Variants in ITM2C observed in about 807,000 individuals in gnomAD.
ITM2C encodes the protein integral membrane protein 2C.
Under a neutral mutation model 30.0 loss-of-function variants are expected in ITM2C, and 20 were observed. The ratio of observed to expected loss-of-function variants is 0.67; its 90% confidence interval spans 0.47 to 0.97. The LOEUF (loss-of-function observed/expected upper bound fraction) is 0.97, where lower values mean the gene tolerates loss of function less well. Among genes scored for constraint, ITM2C ranks in the 50% least tolerant of loss-of-function variants. The probability of loss-of-function intolerance (pLI) is 0.00; values close to 1 mark genes in which losing one functional copy is unlikely to be tolerated. For missense variants in ITM2C, 366 were observed against 371.9 expected, an observed-to-expected ratio of 0.98 and a Z score of 0.13; for synonymous variants, 167 against 156.4, an observed-to-expected ratio of 1.07 and a Z score of -0.51.
intron 1 of ITM2C, among the ~76,000 whole-genome samples, chr2:230,866,150 A>G (rs1042878904): frequency 1.3e-5 from 2 of 151,838 alleles, no homozygotes; most frequent in Non-Finnish European, 2.9e-5. Flanking sequence ...GCCAGGTTTT[A>G]TTGTGCCTGG....
In ITM2C at chr2:230,873,464, C is replaced by T. The variant is rs371118573; in HGVS notation, c.168C>T (p.Gly56=). ...GATCCAAGAGGGGGGGCTCAGTGGGCGGCGTGTGCTACCTGTCGATGGGCA... is the reference window on the plus strand; with the variant it reads ...GATCCAAGAGGGGGGGCTCAGTGGGTGGCGTGTGCTACCTGTCGATGGGCA... ...QHRSKRGGSV[G]GVCYLSMGMV... is the part of the protein sequence containing the mutation. Residue 56 remains glycine (G), a synonymous_variant, in exon 2 of 6, where the codon GGC becomes GGT. Coordinates refer to ENST00000326427, the MANE Select transcript of ITM2C (RefSeq NM_030926.6). The T allele has an allele frequency of 1.8e-5, 29 of 1,608,756 alleles. No individual in the cohort carries two copies. The highest frequency in any genetic ancestry group is 8.4e-5 in the Admixed American group (5 of 59,406).
In ITM2C at chr2:230,877,899, G is replaced by C; in HGVS notation, c.713-109G>C. 16 of 841,460 alleles carry C rather than the reference G, an allele frequency of 1.9e-5. No homozygotes were observed. Among genetic ancestry groups the C allele is most frequent in the Non-Finnish European group, 2.9e-5 (15 of 519,104 alleles). 52.1% of individuals were successfully genotyped at this position (841,460 alleles called of 1,614,324 possible). ...CTCACTGTGCTCTTTGGGTGAATCTGGGTGAATGGTGTCACTTCCTGGCCC... is the reference window on the plus strand; with the variant it reads ...CTCACTGTGCTCTTTGGGTGAATCTCGGTGAATGGTGTCACTTCCTGGCCC... On this transcript the variant is annotated intron_variant, in intron 5 of 5. Coordinates refer to ENST00000326427, the MANE Select transcript of ITM2C (RefSeq NM_030926.6). This position sits in a 1 kb window ranked among gnomAD's most constrained non-coding sequence, Gnocchi z 4.8.
chr2:230,875,940 A>G (rs1697285861), intron 3 of ITM2C, 132 bp downstream of exon 3: 1 of 712,718 alleles, frequency 1.4e-6, no homozygotes, highest in Non-Finnish European at 2.3e-6. Context: ...AGGGTCTTCA[A>G]GACACTGCTT....
At position 230,865,049 on chromosome 2, in the gene ITM2C, C is replaced by A. The variant is rs1696988876; in HGVS notation, c.24C>A (p.Pro8=). 11 of 1,524,748 alleles carry A rather than the reference C, an allele frequency of 7.2e-6. No homozygotes were observed. Among genetic ancestry groups the A allele is most frequent in the South Asian group, 1.2e-5 (1 of 81,612 alleles). The allele number at this position is 1,524,748 out of a possible 1,614,324, so 94.5% of individuals were successfully genotyped here. A position where few individuals can be genotyped will look rare whatever the true frequency, so the allele number is the denominator to read the frequency against. Residue 8 remains proline (P), a synonymous_variant, in exon 1 of 6, where the codon CCC becomes CCA. Coordinates refer to ENST00000326427, the MANE Select transcript of ITM2C (RefSeq NM_030926.6). The surrounding 1 kb of genome is among the most constrained non-coding windows in gnomAD (Gnocchi z 6.8). MVKISFQ[P]AVAGIKGDKA... ...CCATGGTGAAGATTAGCTTCCAGCC[C>A]GCCGTGGCTGGCATCAAGGGCGACA...
Position 230,877,447 on chromosome 2 carries a change from GGT to G in ITM2C, c.610_611del (p.Val204HisfsTer6), listed in dbSNP as rs1265313583. The G allele has an allele frequency of 6.2e-7, 1 of 1,613,934 alleles. No individual in the cohort carries two copies. The highest frequency in any genetic ancestry group is 2.2e-5 in the East Asian group (1 of 44,888). The part of the protein sequence containing the change: ...QTYIIQEEMV[V>X]TEHVSDKEAL... ...CGTACATCATCCAGGAGGAGATGGT[GGT>G]CACGGAGCATGTCAGTGACAAGGAG... is the stretch of plus-strand genomic sequence containing the variant. On this transcript the variant is annotated frameshift_variant, in exon 5 of 6. Transcript: ENST00000326427. LOFTEE classifies it high-confidence loss of function. This position sits in a 1 kb window ranked among gnomAD's most constrained non-coding sequence, Gnocchi z 4.8.
At position 230,877,588 on chromosome 2, in the gene ITM2C, G is replaced by C; in HGVS notation, c.712+38G>C. 1 of 1,608,726 alleles carries C rather than the reference G, an allele frequency of 6.2e-7. No individual in the cohort carries two copies. The highest frequency in any genetic ancestry group is 8.5e-7 in the Non-Finnish European group (1 of 1,177,984). ...CTTCACCCACAGTAGCCCCTGTCCC[G>C]TGCCCCAGACCACAGTTATCTTCAC... On this transcript the variant is annotated intron_variant, in intron 5 of 5. Coordinates refer to ENST00000326427, the MANE Select transcript of ITM2C (RefSeq NM_030926.6). The surrounding 1 kb of genome is among the most constrained non-coding windows in gnomAD (Gnocchi z 4.8).
chr2:230,867,981 T>TC (rs1177114193), intron 1 of ITM2C, among the ~76,000 whole-genome samples: 2 of 151,828 alleles, frequency 1.3e-5, no homozygotes, highest in African/African-American at 2.4e-5. Flanking sequence ...TAAAAAGTGA[T>TC]CCGCAGGAGG....
At chr2:230,873,335 G>A in intron 1 of ITM2C, 82 bp from the exon 2 acceptor site, 2 of 1,357,698 alleles carry the variant, frequency 1.5e-6, no homozygotes, top group Non-Finnish European at 2.0e-6. Flanking sequence ...GGCCCAGCCA[G>A]CAGGTGAAGC....
chr2:230,868,671 G>A (rs557335450), intron 1 of ITM2C, among the ~76,000 whole-genome samples: 1 of 152,330 alleles, frequency 6.6e-6, no homozygotes, highest in South Asian at 2.1e-4. Context: ...TCAGATTTCA[G>A]TTTCCTAGTG....
chr2:230,869,689 G>GC (rs746272125), intron 1 of ITM2C, among the ~76,000 whole-genome samples: 57 of 152,328 alleles, frequency 3.7e-4, no homozygotes, highest in Middle Eastern at 3.4e-3. Flanking sequence ...GGGGGATGGG[G>GC]CCCGGGAGCG....
chr2:230,874,727 G>A (rs73096770), intron 2 of ITM2C, among the ~76,000 whole-genome samples: 6,605 of 152,294 alleles, frequency 0.043, 382 homozygotes, highest in African/African-American at 0.13. Context: ...CAAACAGACG[G>A]TGGAATCCTG....
Position 230,878,137 on chromosome 2 carries a change from TTTC to T in ITM2C, c.*44_*46del. 6.9e-7 allele frequency: 1 copy of T among 1,457,730 alleles called. No individual in the cohort carries two copies. Among genetic ancestry groups the T allele is most frequent in the African/African-American group, 1.4e-5 (1 of 70,324 alleles). 90.3% of individuals were successfully genotyped at this position (1,457,730 alleles called of 1,614,324 possible). A position where few individuals can be genotyped will look rare whatever the true frequency, so the allele number is the denominator to read the frequency against. On this transcript the variant is annotated 3_prime_UTR_variant, in exon 6 of 6. Coordinates refer to ENST00000326427, the MANE Select transcript of ITM2C (RefSeq NM_030926.6). The surrounding 1 kb of genome is among the most constrained non-coding windows in gnomAD (Gnocchi z 4.5). The stretch of plus-strand genomic sequence containing the variant: ...CCAGAACCCCCTGCCGTGTTCCTCT[TTTC>T]TTCTTTCCGGCTGCTCTCTGGCCCT...
intron 3 of ITM2C, among the ~76,000 whole-genome samples, chr2:230,876,280 C>G (rs1364829849): frequency 6.6e-6 from 1 of 152,218 alleles, no homozygotes; most frequent in African/African-American, 2.4e-5. Flanking sequence ...GCTCTGTAAA[C>G]ATGAGAAGAA....
upstream of ITM2C, chr2:230,864,517 C>A (rs1362946605): frequency 6.6e-6 from 1 of 152,386 alleles, no homozygotes; most frequent in African/African-American, 2.4e-5. This position sits in a 1 kb window ranked among gnomAD's most constrained non-coding sequence, Gnocchi z 4.3. Flanking sequence ...GAGGCTCCAG[C>A]GTTTCTAAAG....
chr2:230,875,824 G>T lies in ITM2C; in HGVS notation c.450+16G>T. On this transcript the variant is annotated intron_variant, in intron 3 of 5. Transcript: ENST00000326427. ...CTTCCAGCGGGTGAGGCTGGCCAGG[G>T]CCTGGGGGTGGGGGGTGGGAGGGTG... 1 of 390,154 alleles carries T rather than the reference G, an allele frequency of 2.6e-6. No homozygotes were observed. 24.2% of individuals were successfully genotyped at this position (390,154 alleles called of 1,614,324 possible). A position where few individuals can be genotyped will look rare whatever the true frequency, so the allele number is the denominator to read the frequency against.
chr2:230,869,254 G>T (rs927515850), intron 1 of ITM2C, among the ~76,000 whole-genome samples: 1 of 152,242 alleles, frequency 6.6e-6, no homozygotes, highest in Non-Finnish European at 1.5e-5. Context: ...GCCAAGCCGA[G>T]AGCGCATCTG....
chr2:230,876,031 CGCTG>C (rs1225030369), intron 3 of ITM2C, among the ~76,000 whole-genome samples: 1 of 152,212 alleles, frequency 6.6e-6, no homozygotes, highest in Non-Finnish European at 1.5e-5. Flanking sequence ...GCCAGCTGCA[CGCTG>C]GCTGTCATGG....
intron 1 of ITM2C, among the ~76,000 whole-genome samples, chr2:230,872,613 T>C (rs1452426734): frequency 6.6e-6 from 1 of 152,188 alleles, no homozygotes; most frequent in Non-Finnish European, 1.5e-5. Context: ...CACATTTCTC[T>C]CCTGGCAGGA....
chr2:230,873,247 T>C, intron 1 of ITM2C, 170 bp from the exon 2 acceptor site: 2 of 531,082 alleles, frequency 3.8e-6, no homozygotes, highest in Non-Finnish European at 6.2e-6. Flanking sequence ...CCAGGACGAG[T>C]CCGGGTGACC....
Sources: gnomAD v4.1 joint callset for allele counts (sites outside exome capture counted in the v4.1 genomes callset) on GRCh38, gnomAD v4.1.1 for gene constraint, Gnocchi (gnomAD v3.1) non-coding constraint, MANE v1.5 for transcripts, NCBI Gene and HGNC (gene_info 2026-07-23, HGNC 2026-07-21) for gene names.